The following CCK variants were observed in gnomAD, a reference collection of about 807,000 sequenced individuals.
CCK encodes the protein cholecystokinin.
A neutral mutation model predicts 10.1 loss-of-function variants in CCK; 11 were observed. That is an observed-to-expected ratio of 1.09 (90% CI 0.69 to 1.81). CCK has a LOEUF of 1.81. Among genes scored for constraint, CCK ranks in the 40% most tolerant of loss-of-function variants. The pLI is 0.00. For missense variants in CCK, 137 were observed against 159.9 expected (o/e 0.86, Z 0.77); for synonymous variants, 83 against 71.9 (o/e 1.15, Z -0.78).
rs11298401 is a variant in CCK, at chr3:42,262,217, CTTTTTTTTTTT to C, written c.214+1189_214+1199del. 7.3e-3 allele frequency among the ~76,000 whole-genome samples: 741 copies of C among 101,266 alleles called. 5 individuals carry two copies. The highest frequency in any genetic ancestry group is 0.027 in the African/African-American group (698 of 26,120). 66.4% of individuals were successfully genotyped at this position (101,266 alleles called of 152,430 possible). A position where few individuals can be genotyped will look rare whatever the true frequency, so the allele number is the denominator to read the frequency against. The stretch of plus-strand genomic sequence containing the variant: ...CCCTTCCAGCAGTGTTTGCTAAGTT[CTTTTTTTTTTT>C]TTTTTTTTTTTTAGACAGTTTCACT... On this transcript the variant is annotated intron_variant, in intron 4 of 4. Transcript: ENST00000396169.
At chr3:42,263,671 G>C in intron 3 of CCK, 39 bp from the exon 4 acceptor site, 1 of 1,484,706 alleles carries the variant, frequency 6.7e-7, no homozygotes, top group Admixed American at 2.4e-5. Context: ...TAACTGAAAG[G>C]CTGGGCAACA....
At position 42,263,543 on chromosome 3, in the gene CCK, C is replaced by T. The variant is rs1439092788; in HGVS notation, c.88G>A (p.Gly30Ser). ...TCCTCTGCCCGCTGCAGCCCGGAGC[C>T]CGCGGGATCTGCGGGAGGCACCGGC... ...TQPVPPADPA[G>S]SGLQRAEEAP... Residue 30 changes from glycine (G) to serine (S), a missense_variant, in exon 4 of 5, where the codon GGC (glycine) becomes AGC (serine). Transcript: ENST00000396169. 5 of 1,612,692 alleles carry T rather than the reference C, an allele frequency of 3.1e-6. No homozygotes were observed. Among genetic ancestry groups the T allele is most frequent in the Middle Eastern group, 3.3e-4 (2 of 6,054 alleles).
chr3:42,261,987 A>T (rs999243589), intron 4 of CCK, among the ~76,000 whole-genome samples: 1 of 152,146 alleles, frequency 6.6e-6, no homozygotes, highest in African/African-American at 2.4e-5. Context: ...AAATACAACA[A>T]ATCACTGATT....
chr3:42,258,876 C>G (rs958685021), intron 4 of CCK, among the ~76,000 whole-genome samples: 20 of 152,244 alleles, frequency 1.3e-4, no homozygotes, highest in African/African-American at 4.8e-4. Flanking sequence ...GGATTATAAA[C>G]CATTCTGCTA....
chr3:42,263,251 T>A lies in CCK; in HGVS notation c.214+166A>T. 5 of 1,010,288 alleles carry A rather than the reference T, an allele frequency of 4.9e-6. No individual in the cohort carries two copies. In the South Asian group the frequency reaches 5.4e-5, roughly 11 times the overall value. 62.6% of individuals were successfully genotyped at this position (1,010,288 alleles called of 1,614,324 possible). Reference sequence around the variant, plus strand: ...AGGTTCCCCTTACTTATAAATTAAGTCCTCCATACCCCTTCTCAGATTGCT... The same window carrying A: ...AGGTTCCCCTTACTTATAAATTAAGACCTCCATACCCCTTCTCAGATTGCT... On this transcript the variant is annotated intron_variant, in intron 4 of 4. Transcript: ENST00000396169.
intron 4 of CCK, chr3:42,263,019 T>A (rs1711237613): frequency 9.4e-6 from 3 of 318,996 alleles, no homozygotes; most frequent in South Asian, 9.0e-5. Context: ...TCAGGCATTC[T>A]CAGCATTGAC....
intron 2 of CCK, 93 bp downstream of exon 2, chr3:42,265,176 C>G (rs987513409): frequency 6.6e-6 from 1 of 151,956 alleles, no homozygotes; most frequent in Non-Finnish European, 1.5e-5. Context: ...GGGGTGGACA[C>G]TGGGCAGGAC....
chr3:42,263,332 A>C, intron 4 of CCK, 85 bp downstream of exon 4: 1 of 1,600,980 alleles, frequency 6.2e-7, no homozygotes, highest in Non-Finnish European at 8.6e-7. Flanking sequence ...GGTCATCCCC[A>C]TCAGGCTAGC....
intron 4 of CCK, among the ~76,000 whole-genome samples, chr3:42,259,057 A>T (rs1711177713): frequency 6.6e-6 from 1 of 152,218 alleles, no homozygotes; most frequent in Non-Finnish European, 1.5e-5. Context: ...TTGCAGGGAC[A>T]TGGATGAAGC....
intron 4 of CCK, among the ~76,000 whole-genome samples, chr3:42,261,875 C>A (rs1156429288): frequency 6.6e-6 from 1 of 152,186 alleles, no homozygotes; most frequent in Non-Finnish European, 1.5e-5. Context: ...AGCTTTCAGA[C>A]TTTCTCTCTC....
At chr3:42,263,072 C>T (rs749020967) in intron 4 of CCK, 8 of 395,448 alleles carry the variant, frequency 2.0e-5, no homozygotes, top group South Asian at 8.9e-5. Context: ...ATCTGGGTGG[C>T]TCCAAGGTCC....
rs1415337613 is a variant in CCK, at chr3:42,258,112, C to T, written c.334G>A (p.Glu112Lys). The T allele has an allele frequency of 3.7e-6, 6 of 1,613,714 alleles. No individual in the cohort carries two copies. The highest frequency in any genetic ancestry group is 5.1e-6 in the Non-Finnish European group (6 of 1,179,934). ...DFGRRSAEEY[E>K]YPS is the part of the protein sequence containing the mutation. Reference sequence around the variant, plus strand: ...GGCTGGGTCCTCTAGGAGGGGTACTCATACTCCTCGGCACTGCGACGGCCA... The same window carrying T: ...GGCTGGGTCCTCTAGGAGGGGTACTTATACTCCTCGGCACTGCGACGGCCA... The change falls in exon 5 of 5, where the codon GAG (glutamate) becomes AAG (lysine). Residue 112 changes from glutamate (E) to lysine (K), a missense_variant. Transcript: ENST00000396169.
chr3:42,259,230 T>C (rs1711181108), intron 4 of CCK, among the ~76,000 whole-genome samples: 1 of 152,076 alleles, frequency 6.6e-6, no homozygotes, highest in Non-Finnish European at 1.5e-5. Flanking sequence ...AGGGATAGCA[T>C]TAGGGGAAAT....
At chr3:42,258,370 T>C (rs1711167688) in intron 4 of CCK, 139 bp from the exon 5 acceptor site, 4 of 924,442 alleles carry the variant, frequency 4.3e-6, no homozygotes, top group Non-Finnish European at 4.8e-6. Flanking sequence ...GCTATCAAAG[T>C]AGTGGAACTG....
chr3:42,263,885 G>A, intron 3 of CCK: 1 of 479,174 alleles, frequency 2.1e-6, no homozygotes, highest in Non-Finnish European at 3.5e-6. Context: ...TTTCTGCCGT[G>A]TTGAGCAGAA....
chr3:42,258,731 A>G (rs1355437730), intron 4 of CCK, among the ~76,000 whole-genome samples: 1 of 152,148 alleles, frequency 6.6e-6, no homozygotes, highest in African/African-American at 2.4e-5. Flanking sequence ...TGATGTTGGA[A>G]TGGTTAAAAA....
rs1711243875 is a variant in CCK, at chr3:42,263,449, A to C, written c.182T>G (p.Leu61Arg). ...DGESRAHLGA[L>R]LARYIQQARK... ...GGCCTGCTGGATGTATCTTGCCAGC[A>C]GGGCGCCCAGGTGCGCTCGGGACTC... Residue 61 changes from leucine to arginine, a missense_variant, in exon 4 of 5, where the codon CTG becomes CGG. Leu to Arg is a moderately radical substitution (Grantham distance 102, BLOSUM62 -2). Coordinates refer to ENST00000396169, the MANE Select transcript of CCK (RefSeq NM_000729.6). The C allele has an allele frequency of 6.2e-7, 1 of 1,614,062 alleles. No homozygotes were observed. The highest frequency in any genetic ancestry group is 8.5e-7 in the Non-Finnish European group (1 of 1,180,032).
rs1434803452 is a variant in CCK, at chr3:42,263,423, G to C, written c.208C>G (p.Arg70Gly). The change falls in exon 4 of 5, where the codon CGG becomes GGG. Residue 70 changes from arginine to glycine, a missense_variant. By Grantham distance (125) the Arg-to-Gly change is moderately radical. Coordinates refer to ENST00000396169, the MANE Select transcript of CCK (RefSeq NM_000729.6). The part of the protein sequence containing the change: ...ALLARYIQQA[R>G]KAPSGRMSIV... ...GGGGAGGCAGCATTCTTACCTTTCC[G>C]GGCCTGCTGGATGTATCTTGCCAGC... 1.2e-6 allele frequency: 2 copies of C among 1,614,024 alleles called. No individual in the cohort carries two copies. The highest frequency in any genetic ancestry group is 1.7e-6 in the Non-Finnish European group (2 of 1,180,028).
At chr3:42,260,896 G>C (rs565316735) in intron 4 of CCK, among the ~76,000 whole-genome samples, 11 of 152,220 alleles carry the variant, frequency 7.2e-5, no homozygotes, top group African/African-American at 9.6e-5. Context: ...GGCCCTCCTG[G>C]GGGGAGCAGG....
Sources: allele counts gnomAD v4.1 joint callset (sites outside exome capture counted in the v4.1 genomes callset), GRCh38; gene constraint gnomAD v4.1.1; transcripts MANE v1.5; gene names NCBI Gene and HGNC (gene_info 2026-07-23, HGNC 2026-07-21).